Variants in ST6GAL1 observed in about 807,000 individuals in gnomAD.
The protein encoded by ST6GAL1 is ST6 beta-galactoside alpha-2,6-sialyltransferase 1.
In ST6GAL1, 20 loss-of-function variants were observed where a neutral mutation model predicts 38.0. That is an observed-to-expected ratio of 0.53 (90% CI 0.37 to 0.77). The LOEUF (loss-of-function observed/expected upper bound fraction) is 0.77. Ranked by LOEUF, ST6GAL1 falls within the 30% of genes least tolerant of loss-of-function variation. The pLI is 0.00. For missense variants in ST6GAL1, 432 were observed against 496.4 expected (o/e 0.87, Z 1.23); for synonymous variants, 196 against 188.2 (o/e 1.04, Z -0.34).
intron 4 of ST6GAL1, among the ~76,000 whole-genome samples, chr3:187,046,969 G>A (rs1360176870): frequency 1.3e-5 from 2 of 152,102 alleles, no homozygotes; most frequent in East Asian, 1.9e-4. Context: ...TGTTTTTGAC[G>A]GAGTCTTGCT....
At chr3:187,012,348 C>T (rs1379425169) in intron 2 of ST6GAL1, among the ~76,000 whole-genome samples, 2 of 152,104 alleles carry the variant, frequency 1.3e-5, no homozygotes, top group Non-Finnish European at 2.9e-5. Flanking sequence ...AGCTCCGCCC[C>T]CCAGGTTCAA....
rs762553541 is a variant in ST6GAL1 at position 187,076,757 on chromosome 3, C to T, written c.*954C>T. The T allele has an allele frequency of 1.7e-4, 66 of 398,556 alleles. No individual in the cohort carries two copies. The highest frequency in any genetic ancestry group is 2.8e-4 in the Non-Finnish European group (63 of 226,002). The allele number at this position is 398,556 out of a possible 1,614,324, so 24.7% of individuals were successfully genotyped here. On this transcript the variant is annotated 3_prime_UTR_variant, in exon 8 of 8. Transcript: ENST00000169298. Reference sequence around the variant, plus strand: ...TCCCATGTTTATTTTCTAAGATCTACCTGAACTTAGAGACTCAAGATATTT... The same window carrying T: ...TCCCATGTTTATTTTCTAAGATCTATCTGAACTTAGAGACTCAAGATATTT...
chr3:187,010,938 A>G (rs1291723491), intron 2 of ST6GAL1, among the ~76,000 whole-genome samples: 2 of 152,182 alleles, frequency 1.3e-5, no homozygotes, highest in East Asian at 1.9e-4. Flanking sequence ...AAACCAAAGT[A>G]TAAAAGAAAA....
chr3:186,973,749 A>G (rs1426075305), intron 2 of ST6GAL1, among the ~76,000 whole-genome samples: 2 of 152,124 alleles, frequency 1.3e-5, no homozygotes, highest in African/African-American at 4.8e-5. Flanking sequence ...CTCTTCATGA[A>G]CACCCAGCTG....
rs1395672396 is a variant in ST6GAL1 at position 187,070,444 on chromosome 3, T to C, written c.706-2405T>C. On this transcript the variant is annotated intron_variant, in intron 5 of 7. Transcript: ENST00000169298. ...TTGCTCTTTTTTTTTTTTTTTTTTT[T>C]CGAGATGGAGTCTCACTGTTGCCAG... 8.6e-4 allele frequency among the ~76,000 whole-genome samples: 103 copies of C among 120,328 alleles called. 2 individuals are homozygous for C. Among genetic ancestry groups the C allele is most frequent in the African/African-American group, 8.7e-4 (25 of 28,672 alleles). The allele number at this position is 120,328 out of a possible 152,430, so 78.9% of individuals were successfully genotyped here.
chr3:186,959,858 TCAGA>T (rs745319189), intron 1 of ST6GAL1, among the ~76,000 whole-genome samples: 5 of 152,222 alleles, frequency 3.3e-5, no homozygotes, highest in Admixed American at 6.5e-5. Context: ...TGCTCACATC[TCAGA>T]CAATGTGGAA....
chr3:187,018,838 G>A (rs776399154), intron 2 of ST6GAL1, among the ~76,000 whole-genome samples: 3 of 152,202 alleles, frequency 2.0e-5, no homozygotes, highest in Non-Finnish European at 4.4e-5. Flanking sequence ...TAATCACAAA[G>A]TTACGATTAT....
At position 187,040,045 on chromosome 3, in the gene ST6GAL1, A is replaced by G. The variant is rs189679606; in HGVS notation, c.-51+1172A>G. ...CTGCCTGAGCCTCCACTCCTGTGAC[A>G]GTGAATCAGGCCCTTCCTGCCATCT... On this transcript the variant is annotated intron_variant, in intron 3 of 7. Transcript: ENST00000169298. Among the ~76,000 whole-genome samples the G allele has an allele frequency of 3.3e-5, 5 of 152,370 alleles. No individual in the cohort carries two copies. In the East Asian group the frequency reaches 9.6e-4, roughly 29 times the overall value.
intron 1 of ST6GAL1, among the ~76,000 whole-genome samples, chr3:186,943,315 A>G (rs1363852261): frequency 1.3e-5 from 2 of 152,236 alleles, no homozygotes; most frequent in Non-Finnish European, 2.9e-5. Context: ...TCAGGGAAAC[A>G]CTAGCAGGTT....
intron 1 of ST6GAL1, chr3:186,942,300 C>G (rs1714206586): frequency 6.6e-6 from 1 of 152,234 alleles, no homozygotes. Flanking sequence ...CTGTTCTGTC[C>G]TTGGCTTCAG....
intron 1 of ST6GAL1, among the ~76,000 whole-genome samples, chr3:186,943,258 G>C (rs1031074717): frequency 6.6e-6 from 1 of 152,174 alleles, no homozygotes; most frequent in Non-Finnish European, 1.5e-5. Context: ...GCAGGGGAAG[G>C]CTGCAGGAGC....
intron 2 of ST6GAL1, among the ~76,000 whole-genome samples, chr3:187,031,497 G>T (rs1226944372): frequency 1.3e-5 from 2 of 151,616 alleles, no homozygotes; most frequent in African/African-American, 4.9e-5. Context: ...GTGCAGTGGT[G>T]TGATCTCGGC....
chr3:186,947,563 A>G (rs949459910), intron 1 of ST6GAL1, among the ~76,000 whole-genome samples: 1 of 152,154 alleles, frequency 6.6e-6, no homozygotes, highest in Non-Finnish European at 1.5e-5. Flanking sequence ...TTAGATTGGT[A>G]TTTATTATTA....
At chr3:186,991,771 T>G (rs1716176977) in intron 2 of ST6GAL1, among the ~76,000 whole-genome samples, 1 of 152,128 alleles carries the variant, frequency 6.6e-6, no homozygotes, top group Non-Finnish European at 1.5e-5. Context: ...ACTCCACTGC[T>G]GGGGGCAGAG....
chr3:186,932,080 C>T (rs1713777298), intron 1 of ST6GAL1, among the ~76,000 whole-genome samples: 1 of 152,224 alleles, frequency 6.6e-6, no homozygotes, highest in Admixed American at 6.5e-5. Context: ...CCAGTGTGTG[C>T]CTGCTGAGCG....
chr3:186,959,081 T>C (rs564831056), intron 1 of ST6GAL1, among the ~76,000 whole-genome samples: 175 of 152,328 alleles, frequency 1.1e-3, no homozygotes, highest in African/African-American at 4.0e-3. Context: ...GCTGAATGAT[T>C]GTTTGCTGTA....
intron 5 of ST6GAL1, among the ~76,000 whole-genome samples, chr3:187,062,281 C>T (rs1359219574): frequency 3.9e-5 from 6 of 152,036 alleles, no homozygotes; most frequent in African/African-American, 1.4e-4. Flanking sequence ...GGCAGTGCCT[C>T]AAAAACTTAA....
chr3:187,043,035 A>G lies in ST6GAL1; in HGVS notation c.332A>G (p.Lys111Arg). The part of the protein sequence containing the change: ...SSKNLIPRLQ[K>R]IWKNYLSMNK... Reference sequence around the variant, plus strand: ...AAAAACCTTATCCCTAGGCTGCAAAAGATCTGGAAGAATTACCTAAGCATG... The same window carrying G: ...AAAAACCTTATCCCTAGGCTGCAAAGGATCTGGAAGAATTACCTAAGCATG... Residue 111 changes from lysine to arginine, a missense_variant, in exon 4 of 8, where the codon AAG becomes AGG. Transcript: ENST00000169298. The G allele has an allele frequency of 6.2e-7, 1 of 1,614,192 alleles. No homozygotes were observed. The highest frequency in any genetic ancestry group is 8.5e-7 in the Non-Finnish European group (1 of 1,180,028).
At chr3:186,988,855 A>G (rs1320881833) in intron 2 of ST6GAL1, among the ~76,000 whole-genome samples, 1 of 151,938 alleles carries the variant, frequency 6.6e-6, no homozygotes, top group African/African-American at 2.4e-5. Flanking sequence ...TGGAGGTTGC[A>G]GTGAGCTGAG....
Sources: allele counts gnomAD v4.1 joint callset (sites outside exome capture counted in the v4.1 genomes callset), GRCh38; gene constraint gnomAD v4.1.1; transcripts MANE v1.5; gene names NCBI Gene and HGNC (gene_info 2026-07-23, HGNC 2026-07-21).